L3MBTL4: variants seen among roughly 807,000 people sequenced by gnomAD.
L3MBTL4 encodes lethal(3)malignant brain tumor-like protein 4.
L3MBTL4 carries 70 observed loss-of-function variants against 84.5 expected under a neutral mutation model. The ratio of observed to expected loss-of-function variants is 0.83; its 90% CI spans 0.68 to 1.01. The LOEUF (loss-of-function observed/expected upper bound fraction) is 1.01, where lower values mean the gene tolerates loss of function less well. Among genes scored for constraint, L3MBTL4 ranks in the 50% least tolerant of loss-of-function variants. L3MBTL4 has a pLI of 0.00. For synonymous variants in L3MBTL4, 274 were observed against 259.8 expected (o/e 1.05, Z -0.52); for missense variants, 715 against 754.8 (o/e 0.95, Z 0.62).
At chr18:6,015,477 C>T (rs2054924582) in intron 16 of L3MBTL4, among the ~76,000 whole-genome samples, 1 of 152,074 alleles carries the variant, frequency 6.6e-6, no homozygotes, top group South Asian at 2.1e-4. Context: ...TTTTAGGTCC[C>T]AGGAGCCTTT....
At chr18:5,975,080 C>T (rs952755222) in intron 16 of L3MBTL4, among the ~76,000 whole-genome samples, 2 of 152,074 alleles carry the variant, frequency 1.3e-5, no homozygotes, top group African/African-American at 4.8e-5. Context: ...CCCTCTCACC[C>T]ATCCTTCCCA....
intron 12 of L3MBTL4, among the ~76,000 whole-genome samples, chr18:6,192,583 G>A (rs1397252919): frequency 6.6e-6 from 1 of 152,146 alleles, no homozygotes. Flanking sequence ...GAACGAGAGT[G>A]AGGCAAGAGG....
Position 6,080,868 on chromosome 18 carries a change from T to G in L3MBTL4, c.1444+13A>C, listed in dbSNP as rs1030862090. The G allele has an allele frequency of 1.3e-6, 2 of 1,570,942 alleles. No homozygotes were observed. The highest frequency in any genetic ancestry group is 1.7e-6 in the Non-Finnish European group (2 of 1,147,688). On this transcript the variant is annotated intron_variant, in intron 16 of 18. Coordinates refer to ENST00000317931, the MANE Select transcript of L3MBTL4 (RefSeq NM_001330559.2). ...AAGTATATTCTGTGTTTTGCTAGTG[T>G]TTTTGTTTTTACCTCTGAAGAGATT...
intron 4 of L3MBTL4, among the ~76,000 whole-genome samples, chr18:6,285,809 A>ATATTATTAT (rs139613072): frequency 0.048 from 6,899 of 143,192 alleles, 230 homozygotes; most frequent in East Asian, 0.093. Context: ...TTTAAAAGAT[A>ATATTATTAT]TATTATTATT....
At chr18:5,996,506 G>T (rs1397637870) in intron 16 of L3MBTL4, among the ~76,000 whole-genome samples, 1 of 152,132 alleles carries the variant, frequency 6.6e-6, no homozygotes, top group African/African-American at 2.4e-5. Context: ...TGGGCCAGAC[G>T]CCGGGACCAG....
chr18:6,132,613 T>C (rs2059907912), intron 14 of L3MBTL4, among the ~76,000 whole-genome samples: 1 of 152,226 alleles, frequency 6.6e-6, no homozygotes, highest in African/African-American at 2.4e-5. Flanking sequence ...AACCTTTCTT[T>C]TTTATATTCT....
At chr18:6,279,335 A>G (rs1257576938) in intron 4 of L3MBTL4, among the ~76,000 whole-genome samples, 1 of 151,944 alleles carries the variant, frequency 6.6e-6, no homozygotes, top group Non-Finnish European at 1.5e-5. Flanking sequence ...GGAGGGGGAA[A>G]GAGAGGGGAA....
intron 16 of L3MBTL4, among the ~76,000 whole-genome samples, chr18:6,075,120 T>C (rs1466799023): frequency 6.6e-6 from 1 of 152,108 alleles, no homozygotes; most frequent in Non-Finnish European, 1.5e-5. Context: ...AATAAAACTA[T>C]ACATTCAATG....
At chr18:5,999,981 A>AAG (rs2054144481) in intron 16 of L3MBTL4, among the ~76,000 whole-genome samples, 2 of 152,176 alleles carry the variant, frequency 1.3e-5, no homozygotes, top group Non-Finnish European at 2.9e-5. Context: ...AGTGTCAGGC[A>AAG]AGAGAGAGAA....
intron 5 of L3MBTL4, among the ~76,000 whole-genome samples, chr18:6,255,062 T>A (rs2048081501): frequency 6.6e-6 from 1 of 152,222 alleles, no homozygotes; most frequent in Admixed American, 6.5e-5. Context: ...ATTCCACAAA[T>A]CCTGAGTCTA....
chr18:6,248,326 T>G (rs1236553004), intron 5 of L3MBTL4, among the ~76,000 whole-genome samples: 2 of 152,212 alleles, frequency 1.3e-5, no homozygotes, highest in Admixed American at 1.3e-4. Context: ...AAGAATGGAG[T>G]ATATTGTTAA....
At chr18:6,118,526 G>A (rs1207657902) in intron 14 of L3MBTL4, among the ~76,000 whole-genome samples, 1 of 152,130 alleles carries the variant, frequency 6.6e-6, no homozygotes, top group East Asian at 1.9e-4. Context: ...ATGCTTAAGG[G>A]CATTCAATAC....
chr18:6,351,215 A>G (rs1382674932), intron 1 of L3MBTL4, among the ~76,000 whole-genome samples: 1 of 152,090 alleles, frequency 6.6e-6, no homozygotes, highest in East Asian at 1.9e-4. Context: ...GCATACTACA[A>G]CATAAATGAA....
intron 1 of L3MBTL4, among the ~76,000 whole-genome samples, chr18:6,403,901 G>A (rs572038353): frequency 6.6e-6 from 1 of 152,190 alleles, no homozygotes; most frequent in Non-Finnish European, 1.5e-5. Flanking sequence ...ATATACCATG[G>A]AATACTACTC....
intron 4 of L3MBTL4, among the ~76,000 whole-genome samples, chr18:6,282,838 C>T (rs956858383): frequency 2.0e-5 from 3 of 152,098 alleles, no homozygotes; most frequent in African/African-American, 4.8e-5. Flanking sequence ...TCAAGTGGCA[C>T]AGGGAAGACG....
chr18:6,104,056 T>A (rs961478136), intron 14 of L3MBTL4, among the ~76,000 whole-genome samples: 1 of 152,138 alleles, frequency 6.6e-6, no homozygotes, highest in African/African-American at 2.4e-5. Flanking sequence ...GTGGCCCAGC[T>A]CCTCCTTGGG....
At chr18:6,134,981 G>A (rs111445939) in intron 14 of L3MBTL4, among the ~76,000 whole-genome samples, 2,303 of 152,292 alleles carry the variant, frequency 0.015, 59 homozygotes, top group African/African-American at 0.053. Context: ...CCCTGCCCCT[G>A]CAGCAAACTT....
intron 16 of L3MBTL4, among the ~76,000 whole-genome samples, chr18:6,007,493 T>C (rs1455300242): frequency 6.6e-6 from 1 of 152,194 alleles, no homozygotes; most frequent in Non-Finnish European, 1.5e-5. Context: ...AAAAGCATTC[T>C]CAATAATTAC....
In L3MBTL4 at chr18:6,160,731, C is replaced by CAAA. The variant is rs560903489; in HGVS notation, c.1096+11094_1096+11096dup. On this transcript the variant is annotated intron_variant, in intron 13 of 18. Transcript: ENST00000317931. ...GGGTGACGAGAATAAAGATCCGTCT[C>CAAA]AAAAAAAAAAAAAAAAAAAGCACGG... is the stretch of plus-strand genomic sequence containing the variant. 1.7e-4 allele frequency among the ~76,000 whole-genome samples: 8 copies of CAAA among 48,470 alleles called. No individual in the cohort carries two copies. In the South Asian group the frequency reaches 3.2e-3, roughly 19 times the overall value. 31.8% of individuals were successfully genotyped at this position (48,470 alleles called of 152,430 possible). A position where few individuals can be genotyped will look rare whatever the true frequency, so the allele number is the denominator to read the frequency against.
Sources: allele counts gnomAD v4.1 joint callset (sites outside exome capture counted in the v4.1 genomes callset), GRCh38; gene constraint gnomAD v4.1.1; transcripts MANE v1.5; gene names NCBI Gene and HGNC (gene_info 2026-07-23, HGNC 2026-07-21).